Variants in MAOA observed in about 807,000 individuals in gnomAD.
MAOA encodes monoamine oxidase A.
Under a neutral mutation model 42.0 loss-of-function variants are expected in MAOA, and 6 were observed. That is an observed-to-expected ratio of 0.14 (90% CI 0.08 to 0.28). The LOEUF (loss-of-function observed/expected upper bound fraction) is 0.28. Among genes scored for constraint, MAOA ranks in the 10% least tolerant of loss-of-function variants. The pLI, the probability that MAOA is intolerant of heterozygous loss-of-function variation, is 1.00. For missense variants in MAOA, 262 were observed against 422.3 expected, an observed-to-expected ratio of 0.62 and a Z score of 3.33; for synonymous variants, 140 against 154.0, an observed-to-expected ratio of 0.91 and a Z score of 0.67.
chrX:43,743,784 T>C lies in MAOA; in HGVS notation c.1263-10T>C, dbSNP rs1268781525. The C allele has an allele frequency of 1.7e-6, 2 of 1,167,523 alleles. No homozygotes were observed. Among genetic ancestry groups the C allele is most frequent in the Admixed American group, 5.2e-5 (2 of 38,759 alleles). On this transcript the variant is annotated splice_polypyrimidine_tract_variant and intron_variant, in intron 12 of 14. Transcript: ENST00000338702. ...AAGTAACTCTGTGTAACCTCTTGGT[T>C]CCCTTGAAGGGTGATTCGTCAACCC...
rs1219695559 is a variant in MAOA, at chrX:43,745,085, C to T, written c.*572C>T. 1 of 125,675 alleles carries T rather than the reference C, an allele frequency of 8.0e-6. No individual in the cohort carries two copies. Among genetic ancestry groups the T allele is most frequent in the African/African-American group, 3.2e-5 (1 of 31,161 alleles). The allele number at this position is 125,675 out of a possible 1,213,427, so 10.4% of individuals were successfully genotyped here. A position where few individuals can be genotyped will look rare whatever the true frequency, so the allele number is the denominator to read the frequency against. ...GACCCTCAGACCAGAATGGGGACAT[C>T]TTGTGGTCTGCTGCCTCAGGAATCT... is the stretch of plus-strand genomic sequence containing the variant. On this transcript the variant is annotated 3_prime_UTR_variant, in exon 15 of 15. Transcript: ENST00000338702.
chrX:43,706,609 G>GC (rs1180465733), intron 3 of MAOA, among the ~76,000 whole-genome samples: 3 of 98,927 alleles, frequency 3.0e-5, no homozygotes, highest in Admixed American at 1.0e-4. Flanking sequence ...ATAAAGTGAG[G>GC]CCCCATCTCT....
At chrX:43,705,718 G>T (rs1050189718) in intron 3 of MAOA, among the ~76,000 whole-genome samples, 2 of 111,491 alleles carry the variant, frequency 1.8e-5, no homozygotes, top group African/African-American at 6.5e-5. Flanking sequence ...TCTGATAAAG[G>T]ACTTGTATTC....
At chrX:43,727,154 G>A (rs1325082284) in intron 5 of MAOA, among the ~76,000 whole-genome samples, 1 of 111,848 alleles carries the variant, frequency 8.9e-6, no homozygotes, top group East Asian at 2.8e-4. Flanking sequence ...CACGGGGGTC[G>A]GGGCCCACTT....
intron 3 of MAOA, among the ~76,000 whole-genome samples, chrX:43,709,124 A>G (rs1430012362): frequency 1.8e-5 from 2 of 110,906 alleles, no homozygotes; most frequent in Non-Finnish European, 3.8e-5. Flanking sequence ...TCAGCCTCTC[A>G]AAGTGCTGGG....
intron 1 of MAOA, among the ~76,000 whole-genome samples, chrX:43,666,633 C>A (rs1394385492): frequency 9.0e-6 from 1 of 110,782 alleles, no homozygotes; most frequent in Non-Finnish European, 1.9e-5. Context: ...CTCACAGAAA[C>A]CAGGATGATC....
intron 1 of MAOA, among the ~76,000 whole-genome samples, chrX:43,657,185 A>G (rs1463016537): frequency 1.1e-5 from 1 of 94,963 alleles, no homozygotes; most frequent in African/African-American, 4.1e-5. Flanking sequence ...GTGTTTATAT[A>G]TATATATGAA....
intron 4 of MAOA, 141 bp downstream of exon 4, chrX:43,712,117 C>T (rs2033704263): frequency 1.2e-5 from 6 of 499,378 alleles, no homozygotes; most frequent in East Asian, 7.3e-5. Flanking sequence ...CAAAGTTGGT[C>T]GTATTTCCAC....
chrX:43,672,381 G>A lies in MAOA; in HGVS notation c.74-11132G>A, dbSNP rs112611843. Among the ~76,000 whole-genome samples, 9 of 110,318 alleles carry A rather than the reference G, an allele frequency of 8.2e-5. No homozygotes were observed. The East Asian group carries it at 8.6e-4, about 11-fold the overall frequency. On this transcript the variant is annotated intron_variant, in intron 1 of 14. Coordinates refer to ENST00000338702, the MANE Select transcript of MAOA (RefSeq NM_000240.4). ...GGTTTTCTAGATATACAATCATGTC[G>A]TCTGCAAACAGGGACAATTTGACTT... is the stretch of plus-strand genomic sequence containing the variant.
In MAOA at chrX:43,730,487, CTTTTTTTTTTTTTT is replaced by C. The variant is rs1232538202; in HGVS notation, c.646-745_646-732del. On this transcript the variant is annotated intron_variant, in intron 6 of 14. Coordinates refer to ENST00000338702, the MANE Select transcript of MAOA (RefSeq NM_000240.4). The stretch of plus-strand genomic sequence containing the variant: ...TTACTCAAGATCTGATATTCCGAAT[CTTTTTTTTTTTTTT>C]TTTTTTTTGAGACGGAGTCTAGCTC... 1.3e-4 allele frequency among the ~76,000 whole-genome samples: 11 copies of C among 84,790 alleles called. 1 individual carries two copies. Among genetic ancestry groups the C allele is most frequent in the African/African-American group, 4.8e-4 (11 of 23,031 alleles). 73.6% of individuals were successfully genotyped at this position (84,790 alleles called of 115,157 possible).
At chrX:43,692,999 G>T (rs1164396622) in intron 2 of MAOA, among the ~76,000 whole-genome samples, 2 of 111,724 alleles carry the variant, frequency 1.8e-5, no homozygotes, top group East Asian at 5.6e-4. Flanking sequence ...TTTCATAAAG[G>T]ATCTAAACTG....
chrX:43,673,570 C>G (rs1325793089), intron 1 of MAOA, among the ~76,000 whole-genome samples: 2 of 109,175 alleles, frequency 1.8e-5, no homozygotes, highest in Admixed American at 2.0e-4. Flanking sequence ...CCTGCTTTCT[C>G]TTGTGGGCAT....
chrX:43,744,664 A>T lies in MAOA; in HGVS notation c.*151A>T. 1 of 577,383 alleles carries T rather than the reference A, an allele frequency of 1.7e-6. No individual in the cohort carries two copies. Among genetic ancestry groups the T allele is most frequent in the Non-Finnish European group, 2.8e-6 (1 of 354,113 alleles). The allele number at this position is 577,383 out of a possible 1,213,427, so 47.6% of individuals were successfully genotyped here. ...TTCCAATCATTGTTAAAGTAAAAACAATTCAAAGAATCACCTAATTAATTT... is the reference window on the plus strand; with the variant it reads ...TTCCAATCATTGTTAAAGTAAAAACTATTCAAAGAATCACCTAATTAATTT... On this transcript the variant is annotated 3_prime_UTR_variant, in exon 15 of 15. Coordinates refer to ENST00000338702, the MANE Select transcript of MAOA (RefSeq NM_000240.4).
intron 9 of MAOA, among the ~76,000 whole-genome samples, chrX:43,734,852 T>C: frequency 8.9e-6 from 1 of 112,076 alleles, no homozygotes; most frequent in Non-Finnish European, 1.9e-5. Flanking sequence ...GTAAAAAGTA[T>C]ACAAGACAAG....
chrX:43,673,909 G>A (rs1280112849), intron 1 of MAOA, among the ~76,000 whole-genome samples: 13 of 101,716 alleles, frequency 1.3e-4, no homozygotes, highest in Admixed American at 1.3e-3. Flanking sequence ...GTGCTGAAAA[G>A]AATGTATATT....
chrX:43,704,758 C>T (rs1052731328), intron 3 of MAOA, among the ~76,000 whole-genome samples: 4 of 111,025 alleles, frequency 3.6e-5, no homozygotes, highest in African/African-American at 1.3e-4. Context: ...ACAAGTTCAT[C>T]GAGGTTGCAG....
rs763985356 is a variant in MAOA, at chrX:43,679,239, T to C, written c.74-4274T>C. On this transcript the variant is annotated intron_variant, in intron 1 of 14. Coordinates refer to ENST00000338702, the MANE Select transcript of MAOA (RefSeq NM_000240.4). ...TTAAATGCCAAACTGCAAAATGACC[T>C]TTGTCACTGGTGTGGTCATTGTATT... is the stretch of plus-strand genomic sequence containing the variant. Among the ~76,000 whole-genome samples, 6 of 110,705 alleles carry C rather than the reference T, an allele frequency of 5.4e-5. No homozygotes were observed. In the East Asian group the frequency reaches 1.4e-3, roughly 26 times the overall value.
intron 5 of MAOA, among the ~76,000 whole-genome samples, chrX:43,727,761 G>A (rs994151259): frequency 3.6e-5 from 4 of 112,065 alleles, no homozygotes; most frequent in Admixed American, 9.4e-5. Context: ...TCCCCCAACC[G>A]CTTGCACTTC....
intron 1 of MAOA, among the ~76,000 whole-genome samples, chrX:43,682,633 T>C (rs1026529787): frequency 8.9e-6 from 1 of 111,937 alleles, no homozygotes; most frequent in Admixed American, 9.5e-5. Flanking sequence ...ATAATTTATA[T>C]GGATACTCTA....
Sources: gnomAD v4.1 joint callset for allele counts (sites outside exome capture counted in the v4.1 genomes callset) on GRCh38, gnomAD v4.1.1 for gene constraint, MANE v1.5 for transcripts, NCBI Gene and HGNC (gene_info 2026-07-23, HGNC 2026-07-21) for gene names.